Variants in LYPLAL1 observed in about 807,000 individuals in gnomAD.
LYPLAL1 encodes lysophospholipase like 1.
In LYPLAL1, 23 loss-of-function variants were observed where a neutral mutation model predicts 19.7. The observed-to-expected ratio is 1.17, with a 90% CI of 0.84 to 1.65. The LOEUF (loss-of-function observed/expected upper bound fraction) is 1.65, where lower values mean the gene tolerates loss of function less well. Ranked by LOEUF, LYPLAL1 falls within the 40% of genes most tolerant of loss-of-function variation. LYPLAL1 has a pLI of 0.00. For synonymous variants in LYPLAL1, 119 were observed against 96.3 expected, an observed-to-expected ratio of 1.24 and a Z score of -1.38; for missense variants, 355 against 279.4, an observed-to-expected ratio of 1.27 and a Z score of -1.93.
chr1:219,205,475 GA>G (rs1025320124), intron 3 of LYPLAL1, among the ~76,000 whole-genome samples: 3 of 151,762 alleles, frequency 2.0e-5, no homozygotes, highest in East Asian at 1.9e-4. Context: ...AGTATTACAT[GA>G]AAAAAATAAG....
the LYPLAL1 span, among the ~76,000 whole-genome samples, chr1:219,244,280 T>C: frequency 6.6e-6 from 1 of 151,990 alleles, no homozygotes; most frequent in Non-Finnish European, 1.5e-5. Flanking sequence ...CACAGGGAAG[T>C]GAAAATACTG....
intron 2 of LYPLAL1, among the ~76,000 whole-genome samples, chr1:219,188,421 G>T (rs1006157940): frequency 2.6e-5 from 4 of 151,632 alleles, no homozygotes; most frequent in African/African-American, 9.7e-5. Context: ...ATGCAGAAAT[G>T]TTGCAAAGAG....
intron 2 of LYPLAL1, among the ~76,000 whole-genome samples, chr1:219,191,702 A>G (rs1218104785): frequency 1.3e-5 from 2 of 151,556 alleles, no homozygotes; most frequent in East Asian, 1.9e-4. Flanking sequence ...AAAATGAATA[A>G]GATTGACATG....
At chr1:219,276,453 C>A in the LYPLAL1 span, among the ~76,000 whole-genome samples, 1 of 152,114 alleles carries the variant, frequency 6.6e-6, no homozygotes, top group African/African-American at 2.4e-5. Flanking sequence ...AAGAACGTTT[C>A]TTTATAAAAG....
the LYPLAL1 span, among the ~76,000 whole-genome samples, chr1:219,303,817 GGTATCTTA>G: frequency 6.6e-6 from 1 of 152,088 alleles, no homozygotes; most frequent in Non-Finnish European, 1.5e-5. Flanking sequence ...TGACATCATA[GGTATCTTA>G]TGATACCTGA....
the LYPLAL1 span, among the ~76,000 whole-genome samples, chr1:219,226,301 A>G: frequency 4.6e-5 from 7 of 152,140 alleles, no homozygotes; most frequent in African/African-American, 1.2e-4. Flanking sequence ...TATTTATTTC[A>G]TAAGAATCCA....
chr1:219,185,537 C>T (rs1480066888), intron 2 of LYPLAL1, among the ~76,000 whole-genome samples: 1 of 151,748 alleles, frequency 6.6e-6, no homozygotes, highest in African/African-American at 2.4e-5. Context: ...CATTGCTGTA[C>T]TTGTATAACA....
the LYPLAL1 span, among the ~76,000 whole-genome samples, chr1:219,318,288 CAA>C: frequency 6.6e-6 from 1 of 152,100 alleles, no homozygotes; most frequent in Non-Finnish European, 1.5e-5. Flanking sequence ...ACAAATAACT[CAA>C]GTGTCACTCT....
chr1:219,244,073 G>C, the LYPLAL1 span, among the ~76,000 whole-genome samples: 1 of 152,006 alleles, frequency 6.6e-6, no homozygotes, highest in Non-Finnish European at 1.5e-5. Flanking sequence ...TCCCCTCAGA[G>C]GGACCATAAT....
intron 2 of LYPLAL1, among the ~76,000 whole-genome samples, chr1:219,182,039 G>T (rs1402716927): frequency 6.6e-6 from 1 of 152,108 alleles, no homozygotes; most frequent in Non-Finnish European, 1.5e-5. Context: ...ATGCCTATGT[G>T]AGGTTTTAAA....
At chr1:219,352,585 T>C in the LYPLAL1 span, among the ~76,000 whole-genome samples, 3 of 152,168 alleles carry the variant, frequency 2.0e-5, no homozygotes, top group African/African-American at 7.2e-5. Context: ...AAATGAAATA[T>C]GAAAACATTA....
At chr1:219,384,799 G>T in the LYPLAL1 span, among the ~76,000 whole-genome samples, 2 of 152,124 alleles carry the variant, frequency 1.3e-5, no homozygotes, top group African/African-American at 4.8e-5. Context: ...AAATAACCTG[G>T]CATTGATAAA....
At chr1:219,327,429 T>C in the LYPLAL1 span, among the ~76,000 whole-genome samples, 1 of 152,242 alleles carries the variant, frequency 6.6e-6, no homozygotes, top group South Asian at 2.1e-4. Context: ...ATTGAGGTCC[T>C]GAAGAAATGA....
chr1:219,184,437 G>C lies in LYPLAL1; in HGVS notation c.191+5191G>C, dbSNP rs150879951. On this transcript the variant is annotated intron_variant, in intron 2 of 4. Transcript: ENST00000366928. ...ACTTAGTATATTCCTTATGAATTTC[G>C]TGTGTGCATTTTATTTCATTGTCTT... Among the ~76,000 whole-genome samples, 50 of 151,762 alleles carry C rather than the reference G, an allele frequency of 3.3e-4. 1 individual carries two copies. Among genetic ancestry groups the C allele is most frequent in the South Asian group, 2.3e-3 (11 of 4,820 alleles).
chr1:219,431,719 C>T, the LYPLAL1 span, among the ~76,000 whole-genome samples: 7 of 152,222 alleles, frequency 4.6e-5, no homozygotes, highest in Admixed American at 2.0e-4. Flanking sequence ...AAATTACTCT[C>T]ACTAAACAGT....
chr1:219,439,992 C>CACATATATATATATAT, the LYPLAL1 span, among the ~76,000 whole-genome samples: 2 of 32,392 alleles, frequency 6.2e-5, no homozygotes, highest in South Asian at 8.3e-4. Context: ...TATATATATA[C>CACATATATATATATAT]ACACATATAT....
intron 2 of LYPLAL1, 116 bp downstream of exon 2, chr1:219,179,362 T>A: frequency 1.3e-6 from 1 of 765,242 alleles, no homozygotes; most frequent in Non-Finnish European, 2.1e-6. Context: ...TACTTTAAAT[T>A]AGAGTACTTT....
chr1:219,298,615 C>T, the LYPLAL1 span, among the ~76,000 whole-genome samples: 2 of 152,224 alleles, frequency 1.3e-5, no homozygotes, highest in Non-Finnish European at 1.5e-5. Flanking sequence ...TAGGGAACAT[C>T]ATTTTGAGAG....
the LYPLAL1 span, among the ~76,000 whole-genome samples, chr1:219,257,353 G>GTTTTTTTTTTTTTTTTTTTTTT: frequency 1.4e-4 from 18 of 132,580 alleles, 8 homozygotes; most frequent in Non-Finnish European, 1.4e-4. Flanking sequence ...ATCCATACCA[G>GTTTTTTTTTTTTTTTTTTTTTT]TTTTTGTTTT....
Sources: gnomAD v4.1 joint callset for allele counts (sites outside exome capture counted in the v4.1 genomes callset) on GRCh38, gnomAD v4.1.1 for gene constraint, MANE v1.5 for transcripts, NCBI Gene and HGNC (gene_info 2026-07-23, HGNC 2026-07-21) for gene names.